TRHDE: variants seen among roughly 807,000 people sequenced by gnomAD.
TRHDE encodes thyrotropin releasing hormone degrading enzyme.
In TRHDE, 72 loss-of-function variants were observed where a neutral mutation model predicts 125.7. The observed-to-expected ratio is 0.57, with a 90% CI of 0.47 to 0.70. The LOEUF (loss-of-function observed/expected upper bound fraction) is 0.70. Among genes scored for constraint, TRHDE ranks in the 30% least tolerant of loss-of-function variants. TRHDE has a pLI of 0.00. For missense variants in TRHDE, 1,110 were observed against 1,327.1 expected, an observed-to-expected ratio of 0.84 and a Z score of 2.54; for synonymous variants, 509 against 509.1, an observed-to-expected ratio of 1.00 and a Z score of 0.00.
At chr12:72,147,285 T>C (rs1017453824) in intron 2 of TRHDE, among the ~76,000 whole-genome samples, 1 of 152,118 alleles carries the variant, frequency 6.6e-6, no homozygotes, top group Non-Finnish European at 1.5e-5. Context: ...TATCATTACC[T>C]GATTAAGGAA....
chr12:72,644,862 A>G (rs1023575026), intron 15 of TRHDE, among the ~76,000 whole-genome samples: 1 of 152,134 alleles, frequency 6.6e-6, no homozygotes, highest in African/African-American at 2.4e-5. Context: ...TGAGGGGAGA[A>G]CAGAAGCAGT....
At chr12:72,466,746 G>C (rs575199893) in intron 3 of TRHDE, among the ~76,000 whole-genome samples, 1 of 152,028 alleles carries the variant, frequency 6.6e-6, no homozygotes, top group Non-Finnish European at 1.5e-5. Flanking sequence ...AAACAAGCTA[G>C]CCTCTACCAT....
At chr12:72,516,663 C>T (rs1188470498) in intron 6 of TRHDE, among the ~76,000 whole-genome samples, 1 of 151,504 alleles carries the variant, frequency 6.6e-6, no homozygotes, top group African/African-American at 2.4e-5. Flanking sequence ...TTGCCCTGGC[C>T]AGAACTTCCA....
chr12:72,157,184 T>A lies in TRHDE; in HGVS notation n.279+51432T>A, dbSNP rs562267771. 3.9e-3 allele frequency among the ~76,000 whole-genome samples: 600 copies of A among 152,036 alleles called. 2 individuals carry two copies. Among genetic ancestry groups the A allele is most frequent in the Non-Finnish European group, 7.0e-3 (473 of 67,962 alleles). Reference sequence around the variant, plus strand: ...GTGCAGTGGCGTGATCTCAGCTCACTGCAACCTTAAATGATGGTTCTAAAA... The same window carrying A: ...GTGCAGTGGCGTGATCTCAGCTCACAGCAACCTTAAATGATGGTTCTAAAA... On this transcript the variant is annotated intron_variant and non_coding_transcript_variant, in intron 2 of 4. Coordinates refer to the TRHDE transcript ENST00000548156.
intron 2 of TRHDE, among the ~76,000 whole-genome samples, chr12:72,190,716 T>C (rs1042435733): frequency 1.3e-5 from 2 of 152,218 alleles, no homozygotes; most frequent in African/African-American, 4.8e-5. Flanking sequence ...ATAGATGCCA[T>C]TATATCTTTC....
At chr12:72,187,065 A>G (rs752277191) in intron 2 of TRHDE, among the ~76,000 whole-genome samples, 3 of 152,170 alleles carry the variant, frequency 2.0e-5, no homozygotes, top group Non-Finnish European at 4.4e-5. Context: ...TAAGTAGTAC[A>G]CTAGCCTAGA....
At chr12:72,371,560 G>A (rs2135764979) in intron 2 of TRHDE, among the ~76,000 whole-genome samples, 1 of 149,842 alleles carries the variant, frequency 6.7e-6, no homozygotes, top group Middle Eastern at 3.4e-3. Context: ...CCCCACAACA[G>A]TCCCCAGAGT....
intron 15 of TRHDE, among the ~76,000 whole-genome samples, chr12:72,634,010 A>G (rs1046505653): frequency 1.3e-5 from 2 of 152,030 alleles, no homozygotes; most frequent in East Asian, 1.9e-4. Context: ...ACAATTTGCT[A>G]TTTTCCCAGA....
intron 3 of TRHDE, among the ~76,000 whole-genome samples, chr12:72,429,116 TTC>T (rs1874315494): frequency 1.3e-5 from 2 of 152,136 alleles, no homozygotes; most frequent in South Asian, 4.1e-4. Flanking sequence ...ACACTGCATG[TTC>T]TCACTTGTAA....
At chr12:72,104,293 G>A (rs1392898153) in intron 1 of TRHDE, among the ~76,000 whole-genome samples, 6 of 152,180 alleles carry the variant, frequency 3.9e-5, no homozygotes, top group Non-Finnish European at 8.8e-5. Context: ...TTCCATGTGA[G>A]GGTCCGAGAC....
intron 2 of TRHDE, among the ~76,000 whole-genome samples, chr12:72,252,940 G>T (rs1878718145): frequency 6.6e-6 from 1 of 151,800 alleles, no homozygotes; most frequent in African/African-American, 2.4e-5. Flanking sequence ...TTTTAATTTT[G>T]GTTTTCATAC....
intron 3 of TRHDE, among the ~76,000 whole-genome samples, chr12:72,428,561 T>C (rs527717319): frequency 3.7e-4 from 56 of 152,278 alleles, no homozygotes; most frequent in African/African-American, 1.3e-3. Flanking sequence ...AACAGCTTTA[T>C]TTTTATTTCT....
intron 3 of TRHDE, among the ~76,000 whole-genome samples, chr12:72,406,426 T>G (rs2135808635): frequency 6.6e-6 from 1 of 152,288 alleles, no homozygotes; most frequent in African/African-American, 2.4e-5. Context: ...TGGGCTTTTC[T>G]TCATGTAAGA....
intron 2 of TRHDE, among the ~76,000 whole-genome samples, chr12:72,358,232 C>A (rs931041735): frequency 4.6e-5 from 7 of 151,428 alleles, no homozygotes; most frequent in African/African-American, 1.7e-4. Context: ...CTGCACAGGT[C>A]CCCTTATACA....
At chr12:72,375,410 C>T (rs182531828) in intron 2 of TRHDE, among the ~76,000 whole-genome samples, 72 of 152,264 alleles carry the variant, frequency 4.7e-4, no homozygotes, top group Non-Finnish European at 6.2e-4. Context: ...TGGATCATTT[C>T]CATTAAATCT....
chr12:72,433,466 C>A (rs536947765), intron 3 of TRHDE, among the ~76,000 whole-genome samples: 2 of 152,016 alleles, frequency 1.3e-5, no homozygotes, highest in Non-Finnish European at 2.9e-5. Flanking sequence ...TGGACAGGAG[C>A]AGTAGCCTTT....
At chr12:72,452,015 G>C (rs1875600683) in intron 3 of TRHDE, among the ~76,000 whole-genome samples, 1 of 152,084 alleles carries the variant, frequency 6.6e-6, no homozygotes, top group African/African-American at 2.4e-5. Context: ...TTTTAGTAGA[G>C]ACAGGGTTTC....
At chr12:72,238,298 AT>A (rs1878383990) in intron 2 of TRHDE, among the ~76,000 whole-genome samples, 2 of 32,278 alleles carry the variant, frequency 6.2e-5, no homozygotes, top group African/African-American at 1.0e-4. Flanking sequence ...ATATATATAT[AT>A]ATATATATAT....
chr12:72,640,507 A>C (rs1874010274), intron 15 of TRHDE, among the ~76,000 whole-genome samples: 1 of 152,138 alleles, frequency 6.6e-6, no homozygotes, highest in African/African-American at 2.4e-5. Flanking sequence ...AGCTGTTCCT[A>C]TTCGGCCATC....
Sources: gnomAD v4.1 joint callset for allele counts (sites outside exome capture counted in the v4.1 genomes callset) on GRCh38, gnomAD v4.1.1 for gene constraint, MANE v1.5 for transcripts, NCBI Gene and HGNC (gene_info 2026-07-23, HGNC 2026-07-21) for gene names.